The following BCAS1 variants were observed in gnomAD, a reference collection of about 807,000 sequenced individuals.
BCAS1 encodes breast carcinoma-amplified sequence 1.
Under a neutral mutation model 65.4 loss-of-function variants are expected in BCAS1, and 46 were observed. The ratio of observed to expected loss-of-function variants is 0.70; its 90% CI spans 0.55 to 0.90. The LOEUF is 0.90. Ranked by LOEUF, BCAS1 falls within the 40% of genes least tolerant of loss-of-function variation. The pLI is 0.00. For missense variants in BCAS1, 793 were observed against 771.2 expected (o/e 1.03, Z -0.33); for synonymous variants, 298 against 293.5 (o/e 1.02, Z -0.16).
At chr20:53,980,700 C>A (rs1220006189) in intron 8 of BCAS1, among the ~76,000 whole-genome samples, 1 of 152,192 alleles carries the variant, frequency 6.6e-6, no homozygotes, top group Non-Finnish European at 1.5e-5. Flanking sequence ...TGTATTATAG[C>A]GTCCTCTTTG....
intron 7 of BCAS1, among the ~76,000 whole-genome samples, chr20:53,991,972 A>G (rs2090772411): frequency 6.6e-6 from 1 of 152,188 alleles, no homozygotes; most frequent in African/African-American, 2.4e-5. Context: ...TACATCTTTA[A>G]CATTTTTCTA....
chr20:53,970,309 C>T (rs1019201877), intron 9 of BCAS1, among the ~76,000 whole-genome samples: 1 of 152,158 alleles, frequency 6.6e-6, no homozygotes, highest in Non-Finnish European at 1.5e-5. Context: ...CTTCTGGAGA[C>T]TTCCACTACC....
chr20:54,020,135 C>G (rs1340415473), intron 4 of BCAS1, among the ~76,000 whole-genome samples: 1 of 152,170 alleles, frequency 6.6e-6, no homozygotes, highest in East Asian at 1.9e-4. Context: ...CCTATAGGCA[C>G]AGTGGTTAAG....
chr20:54,038,885 A>T (rs1260154667), intron 3 of BCAS1, among the ~76,000 whole-genome samples: 1 of 151,360 alleles, frequency 6.6e-6, no homozygotes, highest in Non-Finnish European at 1.5e-5. Flanking sequence ...GTCTTGTAAC[A>T]TTGGTGAGCT....
At chr20:54,002,788 T>A (rs967024459) in intron 4 of BCAS1, among the ~76,000 whole-genome samples, 6 of 152,222 alleles carry the variant, frequency 3.9e-5, no homozygotes, top group African/African-American at 1.4e-4. Context: ...TTCTTTCCCA[T>A]AGACTGATAT....
intron 12 of BCAS1, among the ~76,000 whole-genome samples, chr20:53,948,164 G>A: frequency 6.6e-6 from 1 of 152,052 alleles, no homozygotes. Context: ...GTGGATCCTG[G>A]TTCACCCAGG....
At chr20:53,961,133 T>G (rs2089866677) in intron 10 of BCAS1, among the ~76,000 whole-genome samples, 1 of 152,256 alleles carries the variant, frequency 6.6e-6, no homozygotes, top group Non-Finnish European at 1.5e-5. Context: ...TCCTATAGCT[T>G]GATACTCTGA....
Position 54,066,094 on chromosome 20 carries a change from G to A in BCAS1, c.-6+4339C>T, listed in dbSNP as rs1166253162. Among the ~76,000 whole-genome samples the A allele has an allele frequency of 2.0e-4, 30 of 148,952 alleles. No homozygotes were observed. In the East Asian group the frequency reaches 5.5e-3, roughly 27 times the overall value. ...TTTTTTTTCTTTTTTTTTTTTTGAG[G>A]CGAAGTCTGGCTCTGTCGCCCAGGC... On this transcript the variant is annotated intron_variant, in intron 1 of 12. Coordinates refer to ENST00000688948, the MANE Select transcript of BCAS1 (RefSeq NM_001366298.2).
At chr20:53,997,090 C>T (rs2090936501) in intron 4 of BCAS1, among the ~76,000 whole-genome samples, 4 of 152,186 alleles carry the variant, frequency 2.6e-5, no homozygotes, top group Admixed American at 2.6e-4. Context: ...GGCTGTCCTC[C>T]CACCACTGTC....
intron 4 of BCAS1, among the ~76,000 whole-genome samples, chr20:54,022,050 C>T (rs541492521): frequency 2.0e-4 from 30 of 152,296 alleles, no homozygotes; most frequent in Admixed American, 1.9e-3. Flanking sequence ...AATGCAGCAT[C>T]TGTGAAGCAC....
In BCAS1 at chr20:54,058,161, CAG is replaced by C. The variant is rs763453440; in HGVS notation, c.73-9_73-8del. On this transcript the variant is annotated splice_polypyrimidine_tract_variant and splice_region_variant and intron_variant, in intron 2 of 12. Coordinates refer to ENST00000688948, the MANE Select transcript of BCAS1 (RefSeq NM_001366298.2). ...TCAGAGCAGACGCGTTGTCCTGAAA[CAG>C]AGCACGTGGCATTGTGAGACAAATC... 3.7e-6 allele frequency: 6 copies of C among 1,613,572 alleles called. No individual in the cohort carries two copies. The highest frequency in any genetic ancestry group is 1.1e-5 in the South Asian group (1 of 91,022).
At chr20:54,011,618 T>C (rs1237463064) in intron 4 of BCAS1, among the ~76,000 whole-genome samples, 1 of 152,186 alleles carries the variant, frequency 6.6e-6, no homozygotes, top group Non-Finnish European at 1.5e-5. Context: ...AGAAACTCGA[T>C]TACTCACTTT....
chr20:54,031,653 A>G (rs1322219346), intron 3 of BCAS1, among the ~76,000 whole-genome samples: 2 of 151,434 alleles, frequency 1.3e-5, no homozygotes, highest in South Asian at 2.1e-4. Context: ...GGAAGCAGAT[A>G]CCCAATCATG....
At chr20:53,995,666 G>T (rs1368065338) in intron 5 of BCAS1, among the ~76,000 whole-genome samples, 2 of 152,044 alleles carry the variant, frequency 1.3e-5, no homozygotes, top group Non-Finnish European at 2.9e-5. Flanking sequence ...CATGATTTGG[G>T]CATCCACTGC....
At position 53,975,402 on chromosome 20, in the gene BCAS1, C is replaced by T. The variant is rs1488348541; in HGVS notation, c.1304G>A (p.Gly435Asp). Residue 435 changes from glycine (G) to aspartate (D), a missense_variant, in exon 9 of 13, where the codon GGT (glycine) becomes GAT (aspartate). Physicochemically the swap from Gly to Asp is moderately conservative, Grantham distance 94. Coordinates refer to ENST00000688948, the MANE Select transcript of BCAS1 (RefSeq NM_001366298.2). The part of the protein sequence containing the change: ...KSVKEDSVPT[G>D]AEENVVCESP... ...TGTGTAACTTACATTCTCCTCCGCA[C>T]CTGTGGGGACTGAGTCCTCTTTAAC... The T allele has an allele frequency of 1.2e-6, 2 of 1,612,364 alleles. No homozygotes were observed. Among genetic ancestry groups the T allele is most frequent in the South Asian group, 1.1e-5 (1 of 91,042 alleles).
chr20:54,041,547 A>T (rs578153871), intron 3 of BCAS1, among the ~76,000 whole-genome samples: 1 of 152,210 alleles, frequency 6.6e-6, no homozygotes, highest in East Asian at 1.9e-4. Context: ...AAATTGGTTA[A>T]AAAGGAGACA....
Position 53,967,387 on chromosome 20 carries a change from C to T in BCAS1, c.1318-314G>A, listed in dbSNP as rs569983876. 2.0e-5 allele frequency among the ~76,000 whole-genome samples: 3 copies of T among 152,268 alleles called. No individual in the cohort carries two copies. In the East Asian group the frequency reaches 5.8e-4, roughly 29 times the overall value. On this transcript the variant is annotated intron_variant, in intron 9 of 12. Coordinates refer to ENST00000688948, the MANE Select transcript of BCAS1 (RefSeq NM_001366298.2). The stretch of plus-strand genomic sequence containing the variant: ...ACCCAATCAAATCTAGTAAGCCCAC[C>T]TCTTTAATCTGCCACGTAGGTGAAT...
intron 10 of BCAS1, among the ~76,000 whole-genome samples, chr20:53,962,658 GTAT>G (rs2089912740): frequency 7.6e-6 from 1 of 130,814 alleles, no homozygotes; most frequent in Non-Finnish European, 1.6e-5. Context: ...GAATTAATAT[GTAT>G]AAGAATCTTT....
In BCAS1 at chr20:54,058,639, T is replaced by C. The variant is rs770233370; in HGVS notation, c.72+8A>G. ...CTGCTGATGCCCCTGTAATGGTTAC[T>C]ACACTACCTGGTAAGTCTCTGCTTC... On this transcript the variant is annotated splice_region_variant and intron_variant, in intron 2 of 12. Transcript: ENST00000688948. 2.7e-5 allele frequency: 38 copies of C among 1,415,696 alleles called. No homozygotes were observed. The highest frequency in any genetic ancestry group is 3.3e-5 in the Non-Finnish European group (34 of 1,016,082). 87.7% of individuals were successfully genotyped at this position (1,415,696 alleles called of 1,614,324 possible). A position where few individuals can be genotyped will look rare whatever the true frequency, so the allele number is the denominator to read the frequency against.
Sources: allele counts gnomAD v4.1 joint callset (sites outside exome capture counted in the v4.1 genomes callset), GRCh38; gene constraint gnomAD v4.1.1; transcripts MANE v1.5; gene names NCBI Gene and HGNC (gene_info 2026-07-23, HGNC 2026-07-21).